The following SND1 variants were observed in gnomAD, a reference collection of about 807,000 sequenced individuals.
SND1 encodes staphylococcal nuclease domain-containing protein 1.
A neutral mutation model predicts 121.7 loss-of-function variants in SND1; 38 were observed. That is an observed-to-expected ratio of 0.31 (90% CI 0.24 to 0.41). SND1 has a LOEUF of 0.41. Among genes scored for constraint, SND1 ranks in the 10% least tolerant of loss-of-function variants. The pLI, the probability that SND1 is intolerant of heterozygous loss-of-function variation, is 1.00. For synonymous variants in SND1, 401 were observed against 447.4 expected (o/e 0.90, Z 1.31); for missense variants, 868 against 1,184.6 (o/e 0.73, Z 3.92).
At chr7:127,694,294 C>T (rs915500783) in intron 2 of SND1, among the ~76,000 whole-genome samples, 2 of 152,168 alleles carry the variant, frequency 1.3e-5, no homozygotes, top group African/African-American at 4.8e-5. Flanking sequence ...CCAACAATGG[C>T]TTTAACTGGT....
chr7:128,008,665 C>T (rs993365396), intron 16 of SND1, among the ~76,000 whole-genome samples: 3 of 152,068 alleles, frequency 2.0e-5, no homozygotes, highest in Admixed American at 1.3e-4. Flanking sequence ...ATCCCATGCC[C>T]CTGGACCCAC....
intron 18 of SND1, 132 bp downstream of exon 18, chr7:128,081,633 A>T: frequency 3.0e-6 from 3 of 1,000,714 alleles, no homozygotes; most frequent in South Asian, 3.0e-5. Context: ...TGAAGAGCTC[A>T]CGTTGCCGCC....
chr7:127,921,219 A>G (rs1800699342), intron 14 of SND1, among the ~76,000 whole-genome samples: 1 of 152,208 alleles, frequency 6.6e-6, no homozygotes, highest in African/African-American at 2.4e-5. Flanking sequence ...ATGGCCTGTG[A>G]GGATGACCTC....
intron 15 of SND1, among the ~76,000 whole-genome samples, chr7:127,934,612 G>T (rs79495479): frequency 3.6e-4 from 54 of 152,052 alleles, no homozygotes; most frequent in Non-Finnish European, 6.5e-4. Context: ...GGTCAGGAGT[G>T]GGGGGTGGTG....
chr7:127,991,771 A>T (rs143565886), intron 16 of SND1, among the ~76,000 whole-genome samples: 1,598 of 152,270 alleles, frequency 0.01, 16 homozygotes, highest in Non-Finnish European at 0.017. Context: ...GAGGTACAAG[A>T]TTATAGGGTC....
chr7:127,878,222 G>T (rs898102342), intron 12 of SND1, among the ~76,000 whole-genome samples: 1 of 152,068 alleles, frequency 6.6e-6, no homozygotes, highest in African/African-American at 2.4e-5. Context: ...CTTGATTTTT[G>T]TATCTCCAGT....
intron 15 of SND1, among the ~76,000 whole-genome samples, chr7:127,959,218 G>C (rs1259004333): frequency 6.6e-6 from 1 of 152,172 alleles, no homozygotes; most frequent in Non-Finnish European, 1.5e-5. Context: ...ACAATAGCTA[G>C]ACGTCCGCTG....
intron 9 of SND1, among the ~76,000 whole-genome samples, chr7:127,711,370 G>T (rs1796294351): frequency 6.6e-6 from 1 of 152,150 alleles, no homozygotes. Context: ...GCTGGATATA[G>T]AATTTTATTT....
intron 10 of SND1, among the ~76,000 whole-genome samples, chr7:127,778,909 G>C (rs1278598971): frequency 6.6e-6 from 1 of 152,146 alleles, no homozygotes; most frequent in East Asian, 1.9e-4. Context: ...CTGCCTCCCA[G>C]GGCCCTGATG....
At chr7:127,830,704 G>A (rs895077821) in intron 11 of SND1, among the ~76,000 whole-genome samples, 2 of 152,030 alleles carry the variant, frequency 1.3e-5, no homozygotes, top group African/African-American at 4.8e-5. Context: ...ATTATCAATG[G>A]GAATATGAGG....
At chr7:127,836,034 T>C (rs1307898517) in intron 11 of SND1, among the ~76,000 whole-genome samples, 1 of 152,166 alleles carries the variant, frequency 6.6e-6, no homozygotes, top group Non-Finnish European at 1.5e-5. Context: ...TAATTAAATA[T>C]TTACCGAAGT....
At chr7:127,970,496 A>C (rs1485542841) in intron 15 of SND1, among the ~76,000 whole-genome samples, 1 of 152,120 alleles carries the variant, frequency 6.6e-6, no homozygotes, top group African/African-American at 2.4e-5. Flanking sequence ...CTTTGCTGTC[A>C]CTGTCTTTTC....
chr7:127,812,489 T>A (rs891670803), intron 11 of SND1, among the ~76,000 whole-genome samples: 8 of 152,240 alleles, frequency 5.3e-5, no homozygotes, highest in African/African-American at 1.9e-4. Flanking sequence ...TAAGCCAATT[T>A]TGAAGCTTGA....
chr7:127,672,803 A>G (rs1016131140), intron 1 of SND1, among the ~76,000 whole-genome samples: 3 of 152,004 alleles, frequency 2.0e-5, no homozygotes, highest in African/African-American at 7.2e-5. Context: ...TCCAAGAGTT[A>G]CTTTATAGAA....
chr7:128,078,339 C>T (rs1360630188), intron 17 of SND1, among the ~76,000 whole-genome samples: 1 of 152,240 alleles, frequency 6.6e-6, no homozygotes, highest in Non-Finnish European at 1.5e-5. Flanking sequence ...CAAAGGTCAG[C>T]CTCTCCTAGA....
chr7:127,678,235 T>C (rs1040791601), intron 1 of SND1, among the ~76,000 whole-genome samples: 2 of 152,218 alleles, frequency 1.3e-5, no homozygotes, highest in Non-Finnish European at 2.9e-5. Context: ...CTGGTTATTT[T>C]AGGCAAAAGT....
chr7:127,929,027 C>T lies in SND1; in HGVS notation c.1528-161C>T, dbSNP rs773766714. Among the ~76,000 whole-genome samples, 11 of 152,204 alleles carry T rather than the reference C, an allele frequency of 7.2e-5. No individual in the cohort carries two copies. In the South Asian group the frequency reaches 8.3e-4, roughly 11 times the overall value. On this transcript the variant is annotated intron_variant, in intron 14 of 23. Transcript: ENST00000354725. ...CTGTCGATTAACTATATTTCTTCTA[C>T]TGAGGCCTCATGGGTATCATGTCTA...
At chr7:127,851,576 A>C (rs545434525) in intron 12 of SND1, among the ~76,000 whole-genome samples, 1 of 152,296 alleles carries the variant, frequency 6.6e-6, no homozygotes, top group Non-Finnish European at 1.5e-5. Context: ...TTATTCATTT[A>C]GCCACTCACT....
At chr7:127,668,011 A>G (rs914918330) in intron 1 of SND1, among the ~76,000 whole-genome samples, 1 of 152,208 alleles carries the variant, frequency 6.6e-6, no homozygotes, top group African/African-American at 2.4e-5. Flanking sequence ...AAGAAAAATG[A>G]CTCAGTTAAA....
Sources: allele counts gnomAD v4.1 joint callset (sites outside exome capture counted in the v4.1 genomes callset), GRCh38; gene constraint gnomAD v4.1.1; transcripts MANE v1.5; gene names NCBI Gene and HGNC (gene_info 2026-07-23, HGNC 2026-07-21).